The following SHC4 variants were observed in gnomAD, a reference collection of about 807,000 sequenced individuals.
SHC4 encodes the protein SHC adaptor protein 4.
SHC4 carries 41 observed loss-of-function variants against 69.4 expected under a neutral mutation model. The observed-to-expected ratio is 0.59, with a 90% CI of 0.46 to 0.77. SHC4 has a LOEUF of 0.77. Ranked by LOEUF, SHC4 falls within the 30% of genes least tolerant of loss-of-function variation. The pLI is 0.00. For synonymous variants in SHC4, 318 were observed against 299.3 expected (o/e 1.06, Z -0.64); for missense variants, 777 against 783.8 (o/e 0.99, Z 0.10).
chr15:48,897,135 G>A (rs1900237757), intron 2 of SHC4, among the ~76,000 whole-genome samples: 1 of 152,162 alleles, frequency 6.6e-6, no homozygotes, highest in Non-Finnish European at 1.5e-5. Flanking sequence ...TCTGCTCTTA[G>A]AGGAGCAGAA....
chr15:48,957,793 G>T (rs1022823528), intron 1 of SHC4, among the ~76,000 whole-genome samples: 1 of 152,170 alleles, frequency 6.6e-6, no homozygotes, highest in Admixed American at 6.5e-5. Context: ...ATAAAGATGA[G>T]ATTATATTAG....
At chr15:48,962,322 C>T (rs1901557652) in intron 1 of SHC4, 109 bp downstream of exon 1, 4 of 1,154,768 alleles carry the variant, frequency 3.5e-6, no homozygotes, top group Non-Finnish European at 3.6e-6. Flanking sequence ...GAATCATGTC[C>T]TGTCCAAACA....
At chr15:48,868,174 G>A (rs1250351275) in intron 5 of SHC4, among the ~76,000 whole-genome samples, 6 of 152,174 alleles carry the variant, frequency 3.9e-5, no homozygotes, top group Non-Finnish European at 7.4e-5. Context: ...TTTAAAACTG[G>A]CTAGAGACTA....
chr15:48,836,598 GTCTTTA>G (rs1409555416), intron 10 of SHC4, among the ~76,000 whole-genome samples: 3 of 151,732 alleles, frequency 2.0e-5, no homozygotes, highest in Non-Finnish European at 2.9e-5. Flanking sequence ...ATAGAAACCA[GTCTTTA>G]TCTTTATAAA....
chr15:48,949,715 G>A (rs957202579), intron 1 of SHC4, among the ~76,000 whole-genome samples: 11 of 150,398 alleles, frequency 7.3e-5, no homozygotes, highest in African/African-American at 1.7e-4. Context: ...CCTCCCTTGC[G>A]GATAACCTAT....
At position 48,885,646 on chromosome 15, in the gene SHC4, T is replaced by C. The variant is rs1338108186; in HGVS notation, c.721-1279A>G. Reference sequence around the variant, plus strand: ...ATTTGTTTCTTTCCTAGTTTTGCTTTTATATTACTCTCATTTGATTCATTC... The same window carrying C: ...ATTTGTTTCTTTCCTAGTTTTGCTTCTATATTACTCTCATTTGATTCATTC... On this transcript the variant is annotated intron_variant, in intron 3 of 11. Transcript: ENST00000332408. Among the ~76,000 whole-genome samples the C allele has an allele frequency of 2.0e-5, 3 of 152,212 alleles. No individual in the cohort carries two copies. The East Asian group carries it at 5.8e-4, about 29-fold the overall frequency.
intron 1 of SHC4, among the ~76,000 whole-genome samples, chr15:48,927,582 G>T (rs879718101): frequency 1.3e-5 from 2 of 152,056 alleles, no homozygotes; most frequent in South Asian, 2.1e-4. Context: ...AAACAATCTC[G>T]TTACTATAAA....
chr15:48,903,591 C>T (rs1024712215), intron 2 of SHC4, among the ~76,000 whole-genome samples: 2 of 152,138 alleles, frequency 1.3e-5, no homozygotes, highest in Non-Finnish European at 2.9e-5. Context: ...GTCCAAATTA[C>T]GTGGAGACCT....
chr15:48,828,148 AAC>A (rs1898726679), intron 11 of SHC4, among the ~76,000 whole-genome samples: 5 of 151,706 alleles, frequency 3.3e-5, no homozygotes, highest in Non-Finnish European at 5.9e-5. Flanking sequence ...TCTGTTATGT[AAC>A]AGTTAATACT....
rs1215075944 is a variant in SHC4, at chr15:48,872,079, C to A, written c.894+10G>T. 3 of 1,558,696 alleles carry A rather than the reference C, an allele frequency of 1.9e-6. No homozygotes were observed. The African/African-American group carries it at 4.1e-5, about 21-fold the overall frequency. On this transcript the variant is annotated intron_variant, in intron 5 of 11. Transcript: ENST00000332408. The stretch of plus-strand genomic sequence containing the variant: ...ACTCATAAAAAGAACTTCTGTGAAT[C>A]CATACTTACAGGATCCCCTCCAGAG...
chr15:48,925,073 C>T (rs1900828146), intron 1 of SHC4, 124 bp from the exon 2 acceptor site: 2 of 901,984 alleles, frequency 2.2e-6, no homozygotes. Context: ...CATTTGCACC[C>T]TCTGCCTACA....
chr15:48,863,923 T>TA (rs1567056004), intron 6 of SHC4, among the ~76,000 whole-genome samples: 1 of 152,118 alleles, frequency 6.6e-6, no homozygotes. Flanking sequence ...TTCTTCTATT[T>TA]AAAAAAAGGA....
intron 4 of SHC4, among the ~76,000 whole-genome samples, chr15:48,880,624 C>CA (rs1318595715): frequency 4.6e-5 from 7 of 152,014 alleles, no homozygotes; most frequent in African/African-American, 1.7e-4. Flanking sequence ...GGGTGGGAAA[C>CA]ACTATTCCAT....
chr15:48,859,835 C>T (rs1422380004), intron 6 of SHC4, among the ~76,000 whole-genome samples: 1 of 152,138 alleles, frequency 6.6e-6, no homozygotes, highest in Non-Finnish European at 1.5e-5. Flanking sequence ...CTAAAAAGTA[C>T]CCTTGGAGAT....
chr15:48,949,508 T>C (rs1049695725), intron 1 of SHC4, among the ~76,000 whole-genome samples: 7 of 152,268 alleles, frequency 4.6e-5, no homozygotes, highest in African/African-American at 1.4e-4. Context: ...ACCTTGACTA[T>C]TGCTGTAATC....
chr15:48,912,909 G>A (rs896440900), intron 2 of SHC4, among the ~76,000 whole-genome samples: 1 of 151,932 alleles, frequency 6.6e-6, no homozygotes, highest in African/African-American at 2.4e-5. Context: ...CTGGTTCTGG[G>A]GGTCGTCTGC....
At chr15:48,927,683 T>C (rs963624922) in intron 1 of SHC4, among the ~76,000 whole-genome samples, 1 of 152,136 alleles carries the variant, frequency 6.6e-6, no homozygotes, top group African/African-American at 2.4e-5. Context: ...CACATTGGCC[T>C]CCTTTCTACT....
chr15:48,928,572 C>G (rs1434200350), intron 1 of SHC4, among the ~76,000 whole-genome samples: 3 of 152,134 alleles, frequency 2.0e-5, no homozygotes, highest in Non-Finnish European at 2.9e-5. Flanking sequence ...AATAAGTTGC[C>G]ATTCATTTTG....
In SHC4 at chr15:48,834,871, G is replaced by C. The variant is rs1462831364; in HGVS notation, c.1635C>G (p.Asp545Glu). 4 of 1,613,984 alleles carry C rather than the reference G, an allele frequency of 2.5e-6. No individual in the cohort carries two copies. The highest frequency in any genetic ancestry group is 3.4e-6 in the Non-Finnish European group (4 of 1,180,032). ...ATGTTGCACTCTCTCGAACCAAAAAGTCCCCATCCTTTACCAAGAGGCTCT... is the reference window on the plus strand; with the variant it reads ...ATGTTGCACTCTCTCGAACCAAAAACTCCCCATCCTTTACCAAGAGGCTCT... ...AAESLLVKDG[D>E]FLVRESATSP... The change falls in exon 11 of 12, where the codon GAC (aspartate) becomes GAG (glutamate). Residue 545 changes from aspartate to glutamate, a missense_variant. Transcript: ENST00000332408.
Sources: gnomAD v4.1 joint callset for allele counts (sites outside exome capture counted in the v4.1 genomes callset) on GRCh38, gnomAD v4.1.1 for gene constraint, MANE v1.5 for transcripts, NCBI Gene and HGNC (gene_info 2026-07-23, HGNC 2026-07-21) for gene names.